The following LCORL variants were observed in gnomAD, a reference collection of about 807,000 sequenced individuals.
LCORL encodes the protein ligand dependent nuclear receptor corepressor like, also known as ligand-dependent nuclear receptor corepressor-like protein.
In LCORL, 41 loss-of-function variants were observed where a neutral mutation model predicts 141.8. That is an observed-to-expected ratio of 0.29 (90% CI 0.23 to 0.38). The LOEUF (loss-of-function observed/expected upper bound fraction) is 0.38. Among genes scored for constraint, LCORL ranks in the 10% least tolerant of loss-of-function variants. LCORL has a pLI of 1.00. For missense variants in LCORL, 1,759 were observed against 2,035.0 expected (o/e 0.86, Z 2.61); for synonymous variants, 618 against 694.1 (o/e 0.89, Z 1.72).
At chr4:18,011,314 C>T (rs1723738879) in intron 1 of LCORL, among the ~76,000 whole-genome samples, 1 of 151,894 alleles carries the variant, frequency 6.6e-6, no homozygotes, top group Admixed American at 6.6e-5. Context: ...AAAAGGGCTG[C>T]TTTAATTTGA....
intron 7 of LCORL, among the ~76,000 whole-genome samples, chr4:17,854,923 T>A (rs536204433): frequency 6.6e-6 from 1 of 152,180 alleles, no homozygotes; most frequent in Non-Finnish European, 1.5e-5. Flanking sequence ...TTAGGAAAAT[T>A]ATTTATATTA....
At chr4:17,862,414 C>G (rs1462044380) in intron 7 of LCORL, among the ~76,000 whole-genome samples, 1 of 152,164 alleles carries the variant, frequency 6.6e-6, no homozygotes, top group Non-Finnish European at 1.5e-5. Flanking sequence ...TTACCTCCCA[C>G]CAGGTCCCTC....
At position 17,905,523 on chromosome 4, in the gene LCORL, T is replaced by C. The variant is rs770509523; in HGVS notation, c.682+3571A>G. 9.6e-4 allele frequency among the ~76,000 whole-genome samples: 146 copies of C among 152,076 alleles called. 1 individual carries two copies. The highest frequency in any genetic ancestry group is 3.2e-4 in the Non-Finnish European group (22 of 67,956). On this transcript the variant is annotated intron_variant, in intron 5 of 7. Transcript: ENST00000635767. Reference sequence around the variant, plus strand: ...TCTTTGTCTGGTTTTCGTATCAAGATTATACCAACATTTCTTTTTTTTTCT... The same window carrying C: ...TCTTTGTCTGGTTTTCGTATCAAGACTATACCAACATTTCTTTTTTTTTCT...
At chr4:17,903,679 T>C (rs146458880) in intron 5 of LCORL, among the ~76,000 whole-genome samples, 1 of 152,042 alleles carries the variant, frequency 6.6e-6, no homozygotes, top group Non-Finnish European at 1.5e-5. Context: ...CCTCAAATAT[T>C]TGAAATGCCT....
chr4:17,928,932 T>G (rs926588343), intron 4 of LCORL, among the ~76,000 whole-genome samples: 6 of 146,732 alleles, frequency 4.1e-5, no homozygotes, highest in African/African-American at 1.7e-4. Flanking sequence ...CATTAAGAAC[T>G]AATAGTCAAG....
At chr4:17,997,346 G>A (rs78190637) in intron 1 of LCORL, among the ~76,000 whole-genome samples, 5,143 of 152,228 alleles carry the variant, frequency 0.034, 127 homozygotes, top group African/African-American at 0.066. Flanking sequence ...GGGAGGGTTG[G>A]GGAGGAGGGC....
At position 18,021,743 on chromosome 4, in the gene LCORL, C is replaced by G; in HGVS notation, c.9G>C (p.Lys3Asn). The G allele has an allele frequency of 6.6e-7, 1 of 1,512,546 alleles. No individual in the cohort carries two copies. The highest frequency in any genetic ancestry group is 8.8e-7 in the Non-Finnish European group (1 of 1,132,814). The allele number at this position is 1,512,546 out of a possible 1,614,324, so 93.7% of individuals were successfully genotyped here. A position where few individuals can be genotyped will look rare whatever the true frequency, so the allele number is the denominator to read the frequency against. Residue 3 changes from lysine to asparagine, a missense_variant, in exon 1 of 8, where the codon AAG (lysine) becomes AAC (asparagine). Transcript: ENST00000635767. The surrounding 1 kb of genome is among the most constrained non-coding windows in gnomAD (Gnocchi z 5.5). ...CGGCAGCGGCCATTCTCTCTCTTCC[C>G]TTGTCCATCTGCGTCCCGCGTCACG...
At chr4:17,912,064 G>C in intron 4 of LCORL, 1 of 701,348 alleles carries the variant, frequency 1.4e-6, no homozygotes, top group East Asian at 2.8e-5. Flanking sequence ...GGGACCCCAG[G>C]TCAGAGACTG....
chr4:17,915,410 G>A (rs1733236936), intron 4 of LCORL, among the ~76,000 whole-genome samples: 1 of 152,150 alleles, frequency 6.6e-6, no homozygotes, highest in South Asian at 2.1e-4. Context: ...AATAATAAAT[G>A]TCTGTTGTTT....
At chr4:17,863,860 T>C (rs940516428) in intron 7 of LCORL, among the ~76,000 whole-genome samples, 1 of 152,180 alleles carries the variant, frequency 6.6e-6, no homozygotes, top group Non-Finnish European at 1.5e-5. Context: ...TGGATGGAGC[T>C]GGAGCCCATA....
intron 1 of LCORL, among the ~76,000 whole-genome samples, chr4:18,015,568 T>C (rs10516316): frequency 0.075 from 11,428 of 151,796 alleles, 1,474 homozygotes; most frequent in African/African-American, 0.26. Context: ...GGTGCCACAA[T>C]TTACATCTTT....
At chr4:17,854,480 C>A (rs1259347343) in intron 7 of LCORL, among the ~76,000 whole-genome samples, 1 of 152,008 alleles carries the variant, frequency 6.6e-6, no homozygotes, top group African/African-American at 2.4e-5. Flanking sequence ...TAGGTTATTC[C>A]TGTAATTCTC....
At chr4:17,849,101 A>C (rs1460252411) in intron 7 of LCORL, among the ~76,000 whole-genome samples, 1 of 152,242 alleles carries the variant, frequency 6.6e-6, no homozygotes, top group Non-Finnish European at 1.5e-5. Context: ...CTCTGGGGGC[A>C]GGGCACAGAC....
chr4:17,885,270 A>G (rs1007132607), intron 6 of LCORL, among the ~76,000 whole-genome samples: 2 of 151,988 alleles, frequency 1.3e-5, no homozygotes, highest in Admixed American at 6.6e-5. Flanking sequence ...ACAAGAGCTT[A>G]AAACTTGAAA....
At chr4:17,928,154 C>T (rs567247011) in intron 4 of LCORL, among the ~76,000 whole-genome samples, 116 of 152,296 alleles carry the variant, frequency 7.6e-4, no homozygotes, top group Admixed American at 2.7e-3. Flanking sequence ...AGCCTGTAAT[C>T]CCAGCACTTT....
At chr4:17,874,032 T>C in exon 7 of LCORL, 1 of 1,234,176 alleles carries the variant, frequency 8.1e-7, no homozygotes, top group Non-Finnish European at 1.0e-6. Flanking sequence ...TACTATGCTT[T>C]TTCCTTGGAG....
chr4:17,989,612 T>C (rs1293750798), intron 1 of LCORL, among the ~76,000 whole-genome samples: 1 of 152,180 alleles, frequency 6.6e-6, no homozygotes, highest in African/African-American at 2.4e-5. Flanking sequence ...CTGTGTACCC[T>C]CAATATCTTC....
intron 1 of LCORL, among the ~76,000 whole-genome samples, chr4:18,012,387 C>A (rs900897434): frequency 6.6e-6 from 1 of 152,172 alleles, no homozygotes; most frequent in East Asian, 1.9e-4. Context: ...GTAGGGCAAT[C>A]TAATGTCTAA....
intron 4 of LCORL, among the ~76,000 whole-genome samples, chr4:17,924,193 C>A (rs902004345): frequency 6.6e-6 from 1 of 152,146 alleles, no homozygotes; most frequent in Admixed American, 6.5e-5. Context: ...ATATTTATAT[C>A]TCATCTGAGT....
Sources: gnomAD v4.1 joint callset for allele counts (sites outside exome capture counted in the v4.1 genomes callset) on GRCh38, gnomAD v4.1.1 for gene constraint, Gnocchi (gnomAD v3.1) non-coding constraint, MANE v1.5 for transcripts, NCBI Gene and HGNC (gene_info 2026-07-23, HGNC 2026-07-21) for gene names.